ZBTB20: variants seen among roughly 807,000 people sequenced by gnomAD.
ZBTB20 encodes zinc finger and BTB domain-containing protein 20.
Under a neutral mutation model 56.9 loss-of-function variants are expected in ZBTB20, and 9 were observed. The observed-to-expected ratio is 0.16, with a 90% confidence interval of 0.10 to 0.28. ZBTB20 has a LOEUF of 0.28. Among genes scored for constraint, ZBTB20 ranks in the 10% least tolerant of loss-of-function variants. The pLI is 1.00. For missense variants in ZBTB20, 655 were observed against 1,003.0 expected, an observed-to-expected ratio of 0.65 and a Z score of 4.69; for synonymous variants, 417 against 420.7, an observed-to-expected ratio of 0.99 and a Z score of 0.11.
At chr3:115,016,560 T>C (rs944855082) in intron 2 of ZBTB20, among the ~76,000 whole-genome samples, 1 of 151,626 alleles carries the variant, frequency 6.6e-6, no homozygotes, top group Admixed American at 6.6e-5. Context: ...TACCATTTAT[T>C]AGAGGGAATC....
intron 2 of ZBTB20, among the ~76,000 whole-genome samples, chr3:114,989,056 G>T (rs2078683124): frequency 6.6e-6 from 1 of 152,094 alleles, no homozygotes; most frequent in South Asian, 2.1e-4. Context: ...TAGGTTGCCT[G>T]TTCACTCTGA....
intron 2 of ZBTB20, among the ~76,000 whole-genome samples, chr3:115,060,954 CT>C (rs1288332156): frequency 6.6e-6 from 1 of 151,944 alleles, no homozygotes; most frequent in Non-Finnish European, 1.5e-5. Context: ...GAGAATTCAC[CT>C]TTATTTCATC....
At chr3:115,114,965 T>G (rs1029914726) in intron 1 of ZBTB20, among the ~76,000 whole-genome samples, 1 of 152,142 alleles carries the variant, frequency 6.6e-6, no homozygotes, top group African/African-American at 2.4e-5. Flanking sequence ...TTCTCAATAC[T>G]CTACCACTGG....
At chr3:114,950,188 C>A (rs1007392349) in intron 3 of ZBTB20, among the ~76,000 whole-genome samples, 2 of 152,124 alleles carry the variant, frequency 1.3e-5, no homozygotes, top group Non-Finnish European at 2.9e-5. Context: ...TTAGTGAATA[C>A]CTGAAACTGC....
At chr3:114,488,856 T>C (rs999277910) in intron 7 of ZBTB20, among the ~76,000 whole-genome samples, 2 of 152,200 alleles carry the variant, frequency 1.3e-5, no homozygotes, top group Admixed American at 6.5e-5. Flanking sequence ...AAATTATGCA[T>C]ATACTGAAGT....
chr3:114,644,792 A>G (rs949045216), intron 6 of ZBTB20, among the ~76,000 whole-genome samples: 2 of 152,196 alleles, frequency 1.3e-5, no homozygotes, highest in African/African-American at 4.8e-5. Flanking sequence ...CTAAAATAAA[A>G]GTTGAAATTT....
At chr3:114,952,238 A>G (rs369520720) in intron 3 of ZBTB20, among the ~76,000 whole-genome samples, 10 of 152,216 alleles carry the variant, frequency 6.6e-5, no homozygotes, top group African/African-American at 2.4e-4. Flanking sequence ...GACTAATGTC[A>G]TTAATGTGGG....
At chr3:115,093,439 G>A (rs2083270673) in intron 1 of ZBTB20, among the ~76,000 whole-genome samples, 2 of 152,106 alleles carry the variant, frequency 1.3e-5, no homozygotes, top group Admixed American at 6.6e-5. Context: ...GGAATAGGTG[G>A]ATGTGTTGGT....
intron 5 of ZBTB20, chr3:114,710,337 A>G (rs1292327087): frequency 5.9e-5 from 9 of 152,290 alleles, no homozygotes; most frequent in African/African-American, 1.9e-4. Context: ...ACATATGCAG[A>G]AATAAAAACA....
intron 10 of ZBTB20, among the ~76,000 whole-genome samples, chr3:114,377,531 T>C (rs1342646275): frequency 6.6e-6 from 1 of 152,190 alleles, no homozygotes; most frequent in Non-Finnish European, 1.5e-5. Flanking sequence ...AGATGGTGGC[T>C]TACCCACCCA....
intron 7 of ZBTB20, among the ~76,000 whole-genome samples, chr3:114,395,619 T>A (rs1417769396): frequency 6.6e-6 from 1 of 152,172 alleles, no homozygotes; most frequent in East Asian, 1.9e-4. Flanking sequence ...AACCATTTAA[T>A]GAATAAGGCA....
At chr3:114,449,683 T>TAAAAAA (rs11439656) in intron 7 of ZBTB20, among the ~76,000 whole-genome samples, 1 of 134,542 alleles carries the variant, frequency 7.4e-6, no homozygotes, top group African/African-American at 2.8e-5. Flanking sequence ...AGCCTAGCTT[T>TAAAAAA]AAAAAAAAAA....
At chr3:114,771,265 A>T (rs2069171039) in intron 5 of ZBTB20, among the ~76,000 whole-genome samples, 2 of 152,200 alleles carry the variant, frequency 1.3e-5, no homozygotes, top group South Asian at 4.1e-4. Context: ...AACATAGTAG[A>T]ACATACTTTG....
At chr3:114,627,430 A>G (rs1276679581) in intron 6 of ZBTB20, among the ~76,000 whole-genome samples, 3 of 152,218 alleles carry the variant, frequency 2.0e-5, no homozygotes, top group African/African-American at 7.2e-5. Flanking sequence ...AGATTATCAG[A>G]ATACAAGGGT....
intron 3 of ZBTB20, among the ~76,000 whole-genome samples, chr3:114,955,682 C>T (rs1482152610): frequency 1.3e-5 from 2 of 152,080 alleles, no homozygotes; most frequent in Non-Finnish European, 2.9e-5. Flanking sequence ...GAAATGATAG[C>T]TCCAAAGAGG....
At chr3:114,991,733 G>A (rs144109500) in intron 2 of ZBTB20, among the ~76,000 whole-genome samples, 6,585 of 152,096 alleles carry the variant, frequency 0.043, 491 homozygotes, top group African/African-American at 0.15. Context: ...TATTATGTGG[G>A]AGTCTAAGTC....
At chr3:114,574,290 A>G (rs1160686828) in intron 6 of ZBTB20, among the ~76,000 whole-genome samples, 2 of 152,148 alleles carry the variant, frequency 1.3e-5, no homozygotes, top group African/African-American at 2.4e-5. Flanking sequence ...TTTCCTCTAG[A>G]CAGATGCCTA....
At chr3:114,586,463 G>T (rs1223045657) in intron 6 of ZBTB20, among the ~76,000 whole-genome samples, 1 of 152,168 alleles carries the variant, frequency 6.6e-6, no homozygotes, top group African/African-American at 2.4e-5. Flanking sequence ...GAGAAGCTAA[G>T]GCCTGGCGAT....
intron 4 of ZBTB20, among the ~76,000 whole-genome samples, chr3:114,821,397 A>T (rs978402095): frequency 1.3e-5 from 2 of 152,100 alleles, no homozygotes; most frequent in Admixed American, 1.3e-4. Context: ...TCAATCAAGT[A>T]TGTATGACAG....
Sources: allele counts gnomAD v4.1 joint callset (sites outside exome capture counted in the v4.1 genomes callset), GRCh38; gene constraint gnomAD v4.1.1; transcripts MANE v1.5; gene names NCBI Gene and HGNC (gene_info 2026-07-23, HGNC 2026-07-21).